Variants in TOP1MT observed in about 807,000 individuals in gnomAD.
The protein encoded by TOP1MT is DNA topoisomerase I mitochondrial, also known as DNA topoisomerase I, mitochondrial.
TOP1MT carries 80 observed loss-of-function variants against 73.9 expected under a neutral mutation model. The observed-to-expected ratio is 1.08, with a 90% CI of 0.90 to 1.30. TOP1MT has a LOEUF of 1.30. TOP1MT is among the 50% of genes most tolerant of loss of function. TOP1MT has a pLI of 0.00. For synonymous variants in TOP1MT, 338 were observed against 326.4 expected, an observed-to-expected ratio of 1.04 and a Z score of -0.38; for missense variants, 815 against 808.0, an observed-to-expected ratio of 1.01 and a Z score of -0.10.
chr8:143,333,707 GCTGGCTTTCAAA>G (rs1380203730), intron 1 of TOP1MT: 2 of 152,440 alleles, frequency 1.3e-5, no homozygotes, highest in Non-Finnish European at 2.9e-5. Flanking sequence ...TCAGACACAA[GCTGGCTTTCAAA>G]GCCAGAGACC....
intron 10 of TOP1MT, among the ~76,000 whole-genome samples, chr8:143,316,865 C>T (rs1383718653): frequency 1.3e-5 from 2 of 152,234 alleles, no homozygotes; most frequent in South Asian, 2.1e-4. Context: ...GGCCCGGCCT[C>T]GGCCCCTATG....
chr8:143,332,791 G>A (rs1163478106), intron 1 of TOP1MT: 3 of 349,390 alleles, frequency 8.6e-6, no homozygotes, highest in Admixed American at 7.7e-5. Context: ...CCAGCACTTT[G>A]GGAGGCTGAG....
In TOP1MT at chr8:143,309,495, CTG is replaced by C; in HGVS notation, c.1750_1751del (p.Gln584AlafsTer16). The C allele has an allele frequency of 1.9e-6, 3 of 1,614,074 alleles. No individual in the cohort carries two copies. In the South Asian group the frequency reaches 3.3e-5, roughly 18 times the overall value. On this transcript the variant is annotated frameshift_variant, in exon 14 of 14. Transcript: ENST00000329245. LOFTEE classifies it high-confidence loss of function. ...VPVEKIYSKT[Q>X]RERFAWALAM... The stretch of plus-strand genomic sequence containing the variant: ...CGAGAGCCCAGGCGAACCTCTCCCG[CTG>C]TGTTTTGCTGTAGATCTTCTCCACT...
Position 143,321,658 on chromosome 8 carries a change from ACACACACGCACGC to A in TOP1MT, c.961-285_961-273del, listed in dbSNP as rs1406960404. On this transcript the variant is annotated intron_variant, in intron 7 of 13. Coordinates refer to ENST00000329245, the MANE Select transcript of TOP1MT (RefSeq NM_052963.3). ...CAGGCACGCCACACACAGGCACGCC[ACACACACGCACGC>A]CACACACGCACGCCACGCACGCACG... Among the ~76,000 whole-genome samples, 521 of 70,622 alleles carry A rather than the reference ACACACACGCACGC, an allele frequency of 7.4e-3. 55 individuals are homozygous for A. The highest frequency in any genetic ancestry group is 0.026 in the African/African-American group (486 of 18,346). 46.3% of individuals were successfully genotyped at this position (70,622 alleles called of 152,430 possible).
At chr8:143,327,705 G>A in intron 3 of TOP1MT, 1 of 404,616 alleles carries the variant, frequency 2.5e-6, no homozygotes, top group Non-Finnish European at 4.9e-6. Context: ...GAATGAGGAT[G>A]CCGGGCAGCT....
upstream of TOP1MT, among the ~76,000 whole-genome samples, chr8:143,357,500 A>G (rs1012679580): frequency 1.3e-5 from 2 of 152,090 alleles, no homozygotes; most frequent in African/African-American, 4.8e-5. Context: ...TGAAACATTA[A>G]GGCCAGGTGT....
upstream of TOP1MT, chr8:143,356,195 C>T (rs1817404255): frequency 6.6e-6 from 1 of 151,288 alleles, no homozygotes; most frequent in South Asian, 2.1e-4. Flanking sequence ...CAGGCCCAGG[C>T]CACTCACTCC....
Position 143,316,099 on chromosome 8 carries a change from A to G in TOP1MT, c.1358T>C (p.Leu453Ser), listed in dbSNP as rs1356245793. 3 of 1,614,154 alleles carry G rather than the reference A, an allele frequency of 1.9e-6. No individual in the cohort carries two copies. Among genetic ancestry groups the G allele is most frequent in the South Asian group, 2.2e-5 (2 of 91,090 alleles). ...RAEDSIAAKI[L>S]SYNRANRVVA... ...GACTCGGTTGGCTCGGTTGTAGGAT[A>G]AGATCTTAGCTGCTATGCTGTCCTC... Residue 453 changes from leucine to serine, a missense_variant, in exon 11 of 14, where the codon TTA becomes TCA. Coordinates refer to ENST00000329245, the MANE Select transcript of TOP1MT (RefSeq NM_052963.3).
chr8:143,321,803 C>CAT (rs1491375640), intron 7 of TOP1MT, among the ~76,000 whole-genome samples: 1 of 78,870 alleles, frequency 1.3e-5, no homozygotes, highest in Non-Finnish European at 2.7e-5. Context: ...ACGCCACACA[C>CAT]GCACGCTACA....
intron 8 of TOP1MT, 35 bp downstream of exon 8, chr8:143,321,166 C>A: frequency 6.5e-7 from 1 of 1,530,324 alleles, no homozygotes. Flanking sequence ...AAATACGTGT[C>A]ACATAGCGGG....
Position 143,331,255 on chromosome 8 carries a change from G to A in TOP1MT, c.207C>T (p.Pro69=), listed in dbSNP as rs763875459. 10 of 1,611,244 alleles carry A rather than the reference G, an allele frequency of 6.2e-6. No individual in the cohort carries two copies. In the Admixed American group the frequency reaches 6.7e-5, roughly 11 times the overall value. The stretch of plus-strand genomic sequence containing the variant: ...AGAAGAAACGCACTCCGTCGGGAAG[G>A]GGCTCGTATGGGGGTGCGAAGTACG... ...KGPYFAPPYE[P]LPDGVRFFYE... is the part of the protein sequence containing the mutation. Residue 69 remains proline (P), a synonymous_variant, in exon 2 of 14, where the codon CCC becomes CCT. Coordinates refer to ENST00000329245, the MANE Select transcript of TOP1MT (RefSeq NM_052963.3).
At chr8:143,317,483 G>C (rs1209030799) in intron 10 of TOP1MT, among the ~76,000 whole-genome samples, 2 of 152,204 alleles carry the variant, frequency 1.3e-5, no homozygotes, top group African/African-American at 2.4e-5. Flanking sequence ...TCAGCAGTAG[G>C]GGCCGCCCCG....
Position 143,310,094 on chromosome 8 carries a change from G to A in TOP1MT, c.1677C>T (p.Tyr559=). Residue 559 remains tyrosine, a synonymous_variant, in exon 13 of 14, where the codon TAC becomes TAT. Coordinates refer to ENST00000329245, the MANE Select transcript of TOP1MT (RefSeq NM_052963.3). ...AGGCAATGCTGATCCTGGGGTCCAG[G>A]TAGTTGAGCTTGGACGTGCCCAGGG... is the stretch of plus-strand genomic sequence containing the variant. ...QVALGTSKLN[Y]LDPRISIAWC... The A allele has an allele frequency of 6.2e-7, 1 of 1,613,400 alleles. No individual in the cohort carries two copies.
chr8:143,315,889 TCCACACCCTACGTGC>T (rs1046203556), intron 11 of TOP1MT, 68 bp from the exon 12 acceptor site: 1 of 1,604,988 alleles, frequency 6.2e-7, no homozygotes, highest in African/African-American at 1.3e-5. Context: ...CCCACACCCT[TCCACACCCTACGTGC>T]CCACCGCAGC....
At chr8:143,355,880 T>A (rs1469848495) in intron 1 of TOP1MT, 1 of 152,300 alleles carries the variant, frequency 6.6e-6, no homozygotes, top group East Asian at 1.9e-4. Flanking sequence ...AAAGCTGATC[T>A]CACCCTGTGC....
chr8:143,356,360 G>T (rs1426685949), upstream of TOP1MT, among the ~76,000 whole-genome samples: 1 of 152,246 alleles, frequency 6.6e-6, no homozygotes, highest in Non-Finnish European at 1.5e-5. Context: ...CACGACCCAG[G>T]CAGCATGCTG....
At chr8:143,318,554 C>T (rs960062499) in intron 8 of TOP1MT, among the ~76,000 whole-genome samples, 2 of 152,190 alleles carry the variant, frequency 1.3e-5, no homozygotes, top group East Asian at 1.9e-4. Flanking sequence ...TCCGAGGAAA[C>T]GCCAGCCTGC....
At chr8:143,353,920 C>T (rs996247992) in intron 1 of TOP1MT, among the ~76,000 whole-genome samples, 3 of 134,664 alleles carry the variant, frequency 2.2e-5, no homozygotes, top group African/African-American at 8.6e-5. Context: ...GCCGAGATCG[C>T]GCCACTGCAC....
chr8:143,309,849 A>G, intron 13 of TOP1MT: 1 of 1,535,586 alleles, frequency 6.5e-7, no homozygotes, highest in Non-Finnish European at 8.7e-7. Flanking sequence ...GTCCCAGGCC[A>G]CTGTCAGCAC....
Sources: allele counts gnomAD v4.1 joint callset (sites outside exome capture counted in the v4.1 genomes callset), GRCh38; gene constraint gnomAD v4.1.1; transcripts MANE v1.5; gene names NCBI Gene and HGNC (gene_info 2026-07-23, HGNC 2026-07-21).